The following SIL1 variants were observed in gnomAD, a reference collection of about 807,000 sequenced individuals.
SIL1 encodes the protein SIL1 nucleotide exchange factor.
In SIL1, 40 loss-of-function variants were observed where a neutral mutation model predicts 49.1. That is an observed-to-expected ratio of 0.81 (90% confidence interval 0.63 to 1.06). The LOEUF is 1.06. SIL1 is among the 50% of genes least tolerant of loss of function. The pLI is 0.00. For synonymous variants in SIL1, 253 were observed against 250.8 expected (o/e 1.01, Z -0.08); for missense variants, 500 against 572.6 (o/e 0.87, Z 1.29).
chr5:139,173,671 G>A (rs1397641702), intron 1 of SIL1, among the ~76,000 whole-genome samples: 2 of 151,294 alleles, frequency 1.3e-5, no homozygotes, highest in Non-Finnish European at 2.9e-5. Context: ...GATCAGCCAG[G>A]CACGGTGGCT....
At chr5:139,163,523 C>G (rs1751559241) in intron 1 of SIL1, among the ~76,000 whole-genome samples, 1 of 152,064 alleles carries the variant, frequency 6.6e-6, no homozygotes, top group South Asian at 2.1e-4. Context: ...GTGCCCACCA[C>G]CACGCCTGGC....
In SIL1 at chr5:139,181,382, G is replaced by A. The variant is rs147343127; in HGVS notation, c.-11+16887C>T. On this transcript the variant is annotated intron_variant, in intron 1 of 9. Transcript: ENST00000394817. The stretch of plus-strand genomic sequence containing the variant: ...ATTTGGGGGAAATACTACCCAGCAA[G>A]CAATTTATTGTTGAAAACCCCCGCA... Among the ~76,000 whole-genome samples, 312 of 152,256 alleles carry A rather than the reference G, an allele frequency of 2.0e-3. 2 individuals are homozygous for A. Among genetic ancestry groups the A allele is most frequent in the Middle Eastern group, 0.014 (4 of 294 alleles).
rs201940803 is a variant in SIL1 at position 139,164,600 on chromosome 5, C to T, written c.-11+33669G>A. Among the ~76,000 whole-genome samples the T allele has an allele frequency of 5.9e-5, 9 of 152,288 alleles. No homozygotes were observed. The East Asian group carries it at 1.5e-3, about 26-fold the overall frequency. On this transcript the variant is annotated intron_variant, in intron 1 of 9. Coordinates refer to ENST00000394817, the MANE Select transcript of SIL1 (RefSeq NM_022464.5). ...TACAATCTTCACCATTCATTGAGCACCTACCATGTGCCAAGCACATGACCT... is the reference window on the plus strand; with the variant it reads ...TACAATCTTCACCATTCATTGAGCATCTACCATGTGCCAAGCACATGACCT...
At chr5:139,032,099 A>G (rs1223546751) in intron 5 of SIL1, among the ~76,000 whole-genome samples, 1 of 152,166 alleles carries the variant, frequency 6.6e-6, no homozygotes, top group Non-Finnish European at 1.5e-5. Flanking sequence ...GCCTTACTGC[A>G]TTGGCTATGA....
At chr5:138,960,500 G>A (rs1359280661) in intron 7 of SIL1, among the ~76,000 whole-genome samples, 2 of 143,414 alleles carry the variant, frequency 1.4e-5, no homozygotes, top group Non-Finnish European at 1.5e-5. Context: ...TAAGCTCACT[G>A]CAACCTCCAC....
chr5:138,964,443 T>C (rs2150387433), intron 7 of SIL1, among the ~76,000 whole-genome samples: 1 of 152,302 alleles, frequency 6.6e-6, no homozygotes, highest in Admixed American at 6.5e-5. Context: ...TCAAAAGTTA[T>C]TAAAATAGGA....
intron 3 of SIL1, among the ~76,000 whole-genome samples, chr5:139,101,633 T>C (rs1411747970): frequency 6.6e-6 from 1 of 152,226 alleles, no homozygotes; most frequent in Non-Finnish European, 1.5e-5. Context: ...GTGTGAATTC[T>C]TTCATGTTAA....
chr5:138,986,628 C>T (rs1244298683), intron 7 of SIL1, among the ~76,000 whole-genome samples: 1 of 152,218 alleles, frequency 6.6e-6, no homozygotes, highest in African/African-American at 2.4e-5. Flanking sequence ...CTCTATTCAA[C>T]TCTTCAAGGA....
chr5:139,123,279 C>T (rs1750685816), intron 2 of SIL1, among the ~76,000 whole-genome samples: 1 of 152,218 alleles, frequency 6.6e-6, no homozygotes, highest in African/African-American at 2.4e-5. Context: ...ACAGAGAAGA[C>T]TGACTGGCAG....
chr5:139,033,883 G>C (rs111718140), intron 5 of SIL1, among the ~76,000 whole-genome samples: 42 of 152,300 alleles, frequency 2.8e-4, no homozygotes, highest in African/African-American at 8.7e-4. Flanking sequence ...CTGATCCGCT[G>C]TCTAGTAGTT....
At chr5:139,192,501 AT>A (rs1752192407) in intron 1 of SIL1, among the ~76,000 whole-genome samples, 1 of 152,060 alleles carries the variant, frequency 6.6e-6, no homozygotes, top group African/African-American at 2.4e-5. Flanking sequence ...ACCCTTCCCC[AT>A]TTCTCTGTAG....
rs137897090 is a variant in SIL1, at chr5:138,989,755, G to A, written c.767+31416C>T. Among the ~76,000 whole-genome samples the A allele has an allele frequency of 1.7e-4, 26 of 152,310 alleles. No homozygotes were observed. In the East Asian group the frequency reaches 4.4e-3, roughly 26 times the overall value. On this transcript the variant is annotated intron_variant, in intron 7 of 9. Transcript: ENST00000394817. ...AGTCACAGTTCATAGTGAGTTACAG[G>A]GGTGGAGAGGGTGGCTTTACATGAA...
chr5:138,998,929 T>C (rs1193164229), intron 7 of SIL1, among the ~76,000 whole-genome samples: 3 of 142,920 alleles, frequency 2.1e-5, no homozygotes, highest in Non-Finnish European at 4.5e-5. Context: ...CAATCTCAGC[T>C]CACTGCAACC....
chr5:139,051,342 G>A, intron 3 of SIL1: 1 of 443,432 alleles, frequency 2.3e-6, no homozygotes, highest in Non-Finnish European at 4.2e-6. Flanking sequence ...GCTCTTCTAT[G>A]TCTTCTTGAG....
intron 7 of SIL1, among the ~76,000 whole-genome samples, chr5:138,983,594 A>AC (rs1258577910): frequency 4.6e-5 from 7 of 151,856 alleles, no homozygotes; most frequent in African/African-American, 1.7e-4. Flanking sequence ...CAGAGAAAGG[A>AC]CAGGTCCAAT....
intron 2 of SIL1, among the ~76,000 whole-genome samples, chr5:139,122,697 G>T (rs1046361948): frequency 1.3e-5 from 2 of 152,128 alleles, no homozygotes; most frequent in African/African-American, 4.8e-5. Flanking sequence ...ATGTTAAGGT[G>T]CTGGTGATGC....
At chr5:139,043,397 G>A (rs1561840142) in intron 4 of SIL1, among the ~76,000 whole-genome samples, 1 of 152,174 alleles carries the variant, frequency 6.6e-6, no homozygotes, top group South Asian at 2.1e-4. Context: ...ATTTTTCCAT[G>A]AAAGGGGACA....
chr5:139,174,074 AAAT>A (rs1751831209), intron 1 of SIL1, among the ~76,000 whole-genome samples: 1 of 152,114 alleles, frequency 6.6e-6, no homozygotes, highest in Non-Finnish European at 1.5e-5. Flanking sequence ...AGAAGAAAGA[AAAT>A]AATAATAAAG....
At chr5:138,985,652 A>G (rs764971582) in intron 7 of SIL1, among the ~76,000 whole-genome samples, 23 of 152,194 alleles carry the variant, frequency 1.5e-4, no homozygotes, top group Non-Finnish European at 3.2e-4. Context: ...TTAAAGTCTC[A>G]CAGAAGTAAA....
Sources: allele counts gnomAD v4.1 joint callset (sites outside exome capture counted in the v4.1 genomes callset), GRCh38; gene constraint gnomAD v4.1.1; transcripts MANE v1.5; gene names NCBI Gene and HGNC (gene_info 2026-07-23, HGNC 2026-07-21).